The following LEPROT variants were observed in gnomAD, a reference collection of about 807,000 sequenced individuals.
The protein encoded by LEPROT is leptin receptor gene-related protein.
Under a neutral mutation model 15.4 loss-of-function variants are expected in LEPROT, and 3 were observed. The ratio of observed to expected loss-of-function variants is 0.19; its 90% CI spans 0.09 to 0.50. The LOEUF is 0.50. Ranked by LOEUF, LEPROT falls within the 20% of genes least tolerant of loss-of-function variation. LEPROT has a pLI of 0.97. For synonymous variants in LEPROT, 59 were observed against 57.5 expected (o/e 1.03, Z -0.12); for missense variants, 137 against 162.2 (o/e 0.84, Z 0.84).
At chr1:65,422,282 C>T (rs146912105) in intron 1 of LEPROT, among the ~76,000 whole-genome samples, 27 of 152,208 alleles carry the variant, frequency 1.8e-4, no homozygotes, top group African/African-American at 6.0e-4. Flanking sequence ...CATGGGAAGA[C>T]GGAGACAGAA....
intron 1 of LEPROT, among the ~76,000 whole-genome samples, chr1:65,423,269 A>G (rs1025402838): frequency 6.6e-5 from 10 of 152,134 alleles, no homozygotes; most frequent in African/African-American, 2.2e-4. Flanking sequence ...TGGGTTGAAC[A>G]TAAGTTTTCA....
chr1:65,427,798 A>G, intron 2 of LEPROT: 1 of 417,436 alleles, frequency 2.4e-6, no homozygotes, highest in South Asian at 1.7e-5. Context: ...CACAACACCC[A>G]GCTGATTTTT....
At position 65,429,888 on chromosome 1, in the gene LEPROT, T is replaced by C; in HGVS notation, c.119T>C (p.Ile40Thr). ...GTTTACTGGCCCTTATTCGTCCTGA[T>C]TTTCCACGCCATCTCCCCCATCCCC... ...YGVYWPLFVL[I>T]FHAISPIPHF... is the part of the protein sequence containing the mutation. The change falls in exon 3 of 4, where the codon ATT becomes ACT. Residue 40 changes from isoleucine to threonine, a missense_variant. By Grantham distance (89) the Ile-to-Thr change is moderately conservative (BLOSUM62 -1). Coordinates refer to ENST00000371065, the MANE Select transcript of LEPROT (RefSeq NM_017526.5). 1 of 1,512,908 alleles carries C rather than the reference T, an allele frequency of 6.6e-7. No individual in the cohort carries two copies. The highest frequency in any genetic ancestry group is 9.0e-7 in the Non-Finnish European group (1 of 1,112,794). 93.7% of individuals were successfully genotyped at this position (1,512,908 alleles called of 1,614,324 possible).
chr1:65,428,272 G>C (rs768618727), intron 2 of LEPROT, among the ~76,000 whole-genome samples: 3 of 152,020 alleles, frequency 2.0e-5, no homozygotes, highest in Non-Finnish European at 2.9e-5. Context: ...GGCTTACTAT[G>C]AATGAAAACA....
chr1:65,427,621 C>T (rs187357780), intron 2 of LEPROT, among the ~76,000 whole-genome samples: 27 of 152,216 alleles, frequency 1.8e-4, no homozygotes, highest in East Asian at 3.9e-4. Context: ...CATGTTCTGA[C>T]GCCCTTGACC....
In LEPROT at chr1:65,429,968, C is replaced by T. The variant is rs147651845; in HGVS notation, c.199C>T (p.Arg67Trp). 95 of 1,578,972 alleles carry T rather than the reference C, an allele frequency of 6.0e-5. No homozygotes were observed. The African/African-American group carries it at 6.4e-4, about 11-fold the overall frequency. ...YDSDATSSAC[R>W]ELAYFFTTGI... Reference sequence around the variant, plus strand: ...CTCAGATGCAACCAGTAGTGCCTGTCGGGAACTGGCATATTTCTTCACTAC... The same window carrying T: ...CTCAGATGCAACCAGTAGTGCCTGTTGGGAACTGGCATATTTCTTCACTAC... Residue 67 changes from arginine to tryptophan, a missense_variant, in exon 3 of 4, where the codon CGG becomes TGG. Arg to Trp is a moderately radical substitution (Grantham distance 101). Coordinates refer to ENST00000371065, the MANE Select transcript of LEPROT (RefSeq NM_017526.5).
chr1:65,430,473 G>A (rs1646465116), intron 3 of LEPROT, among the ~76,000 whole-genome samples: 1 of 152,172 alleles, frequency 6.6e-6, no homozygotes, highest in Non-Finnish European at 1.5e-5. Flanking sequence ...GGACAACTGT[G>A]TAGCTTCCAG....
At chr1:65,425,189 C>T (rs1646335607) in intron 1 of LEPROT, 114 bp from the exon 2 acceptor site, 4 of 799,050 alleles carry the variant, frequency 5.0e-6, no homozygotes, top group East Asian at 2.6e-5. Flanking sequence ...AAAATTTACT[C>T]ATCCGCCAAA....
At chr1:65,426,510 C>T (rs1052202245) in intron 2 of LEPROT, among the ~76,000 whole-genome samples, 2 of 151,896 alleles carry the variant, frequency 1.3e-5, no homozygotes, top group African/African-American at 4.8e-5. Context: ...AGACTGCAGT[C>T]AGGGAGAATA....
chr1:65,433,887 TG>T lies in LEPROT; in HGVS notation c.*1971del, dbSNP rs1182815256. On this transcript the variant is annotated 3_prime_UTR_variant, in exon 4 of 4. Coordinates refer to ENST00000371065, the MANE Select transcript of LEPROT (RefSeq NM_017526.5). Reference sequence around the variant, plus strand: ...GAGAGAATTTCTTGATGTTTTAAAATGGGCAGTTTTGAGCAATAATCTGTCC... The same window carrying T: ...GAGAGAATTTCTTGATGTTTTAAAATGGCAGTTTTGAGCAATAATCTGTCC... 3.0e-6 allele frequency: 3 copies of T among 985,362 alleles called. No individual in the cohort carries two copies. Among genetic ancestry groups the T allele is most frequent in the East Asian group, 1.1e-4 (1 of 8,818 alleles). 61.0% of individuals were successfully genotyped at this position (985,362 alleles called of 1,614,324 possible).
chr1:65,421,411 A>T (rs981453126), intron 1 of LEPROT: 4 of 1,536,002 alleles, frequency 2.6e-6, no homozygotes, highest in Non-Finnish European at 3.5e-6. Flanking sequence ...GTATGGCTTC[A>T]GAGCAATGCG....
chr1:65,425,230 C>T, intron 1 of LEPROT, 73 bp from the exon 2 acceptor site: 8 of 1,305,940 alleles, frequency 6.1e-6, no homozygotes, highest in Non-Finnish European at 8.7e-6. Flanking sequence ...AGTCACTCCC[C>T]ATTTCCCCAA....
chr1:65,434,060 C>T lies in LEPROT; in HGVS notation c.*2141C>T. On this transcript the variant is annotated 3_prime_UTR_variant, in exon 4 of 4. Transcript: ENST00000371065. ...TGTTGCTTATACACATTTTCAATAA[C>T]CAAGGTAGCCTTCATATGTAGCCTT... 4.1e-6 allele frequency: 4 copies of T among 985,232 alleles called. No homozygotes were observed. The South Asian group carries it at 1.4e-4, about 35-fold the overall frequency. The allele number at this position is 985,232 out of a possible 1,614,324, so 61.0% of individuals were successfully genotyped here. A position where few individuals can be genotyped will look rare whatever the true frequency, so the allele number is the denominator to read the frequency against.
rs765756692 is a variant in LEPROT at position 65,434,402 on chromosome 1, T to G, written c.*2483T>G. ...GAAAACTGAGATTGCACTTCCAAAA[T>G]TGGCCACAAGTAAATAATCTTATGA... On this transcript the variant is annotated 3_prime_UTR_variant, in exon 4 of 4. Transcript: ENST00000371065. 6 of 985,402 alleles carry G rather than the reference T, an allele frequency of 6.1e-6. No homozygotes were observed. In the South Asian group the frequency reaches 1.4e-4, roughly 23 times the overall value. The allele number at this position is 985,402 out of a possible 1,614,324, so 61.0% of individuals were successfully genotyped here.
intron 2 of LEPROT, chr1:65,427,761 T>C: frequency 2.5e-6 from 1 of 403,520 alleles, no homozygotes; most frequent in Non-Finnish European, 5.0e-6. Flanking sequence ...TCTATCTTTA[T>C]TTTAATTTTT....
At chr1:65,424,185 G>A (rs926706418) in intron 1 of LEPROT, among the ~76,000 whole-genome samples, 6 of 152,170 alleles carry the variant, frequency 3.9e-5, no homozygotes, top group Non-Finnish European at 7.3e-5. Flanking sequence ...TCCTACTCCC[G>A]CAGAGACTAG....
rs1056216892 is a variant in LEPROT at position 65,420,729 on chromosome 1, C to G, written c.5C>G (p.Ala2Gly). ...CGCGGCCCCAGTTCGGGAGACATGG[C>G]GGGCGTTAAAGGTACATCGCGGTCC... M[A>G]GVKALVALSF... The change falls in exon 1 of 4, where the codon GCG becomes GGG. Residue 2 changes from alanine to glycine, a missense_variant. Coordinates refer to ENST00000371065, the MANE Select transcript of LEPROT (RefSeq NM_017526.5). The G allele has an allele frequency of 1.9e-6, 3 of 1,583,756 alleles. No homozygotes were observed. Among genetic ancestry groups the G allele is most frequent in the East Asian group, 4.6e-5 (2 of 43,362 alleles).
rs150951046 is a variant in LEPROT, at chr1:65,434,420, T to A, written c.*2501T>A. ...TCCAAAATTGGCCACAAGTAAATAA[T>A]CTTATGAAGGGATTCTTTATCATGT... On this transcript the variant is annotated 3_prime_UTR_variant, in exon 4 of 4. Transcript: ENST00000371065. The A allele has an allele frequency of 1.0e-3, 995 of 985,342 alleles. 13 individuals carry two copies. The African/African-American group carries it at 0.017, about 16-fold the overall frequency. 61.0% of individuals were successfully genotyped at this position (985,342 alleles called of 1,614,324 possible). A position where few individuals can be genotyped will look rare whatever the true frequency, so the allele number is the denominator to read the frequency against.
intron 2 of LEPROT, among the ~76,000 whole-genome samples, chr1:65,426,886 T>C (rs949944720): frequency 1.3e-5 from 2 of 151,954 alleles, no homozygotes; most frequent in Admixed American, 1.3e-4. Flanking sequence ...TATTCCCAGC[T>C]ACTTAGGAGG....
Sources: gnomAD v4.1 joint callset for allele counts (sites outside exome capture counted in the v4.1 genomes callset) on GRCh38, gnomAD v4.1.1 for gene constraint, MANE v1.5 for transcripts, NCBI Gene and HGNC (gene_info 2026-07-23, HGNC 2026-07-21) for gene names.